TNS1: variants seen among roughly 807,000 people sequenced by gnomAD.
TNS1 encodes tensin-1.
TNS1 carries 62 observed loss-of-function variants against 168.6 expected under a neutral mutation model. The observed-to-expected ratio is 0.37, with a 90% CI of 0.30 to 0.45. TNS1 has a LOEUF of 0.45. TNS1 is among the 20% of genes least tolerant of loss of function. The probability of loss-of-function intolerance (pLI) is 1.00; values close to 1 mark genes in which losing one functional copy is unlikely to be tolerated. For missense variants in TNS1, 2,240 were observed against 2,339.4 expected (o/e 0.96, Z 0.88); for synonymous variants, 934 against 933.2 (o/e 1.00, Z -0.02).
intron 18 of TNS1, among the ~76,000 whole-genome samples, chr2:217,870,615 AT>A (rs1949691649): frequency 6.6e-6 from 1 of 152,144 alleles, no homozygotes; most frequent in African/African-American, 2.4e-5. Flanking sequence ...CTCGATCTGG[AT>A]ATTTGAGCAC....
intron 18 of TNS1, among the ~76,000 whole-genome samples, chr2:217,869,800 T>C (rs1036566371): frequency 2.0e-5 from 3 of 152,220 alleles, no homozygotes; most frequent in Non-Finnish European, 4.4e-5. Flanking sequence ...CCCAGGACTC[T>C]GGTGAGGGCT....
At chr2:217,970,204 A>G (rs189648245) in intron 3 of TNS1, among the ~76,000 whole-genome samples, 2 of 152,168 alleles carry the variant, frequency 1.3e-5, no homozygotes, top group African/African-American at 4.8e-5. Flanking sequence ...GCCTGCCAAC[A>G]CCTTGATTTT....
At chr2:217,829,136 G>A (rs1344773921) in intron 22 of TNS1, among the ~76,000 whole-genome samples, 2 of 152,114 alleles carry the variant, frequency 1.3e-5, no homozygotes, top group African/African-American at 4.8e-5. Context: ...AGCACTTTGG[G>A]AGGCCAAGGT....
rs373998492 is a variant in TNS1 at position 217,892,904 on chromosome 2, C to T, written c.782+44G>A. The T allele has an allele frequency of 5.6e-6, 9 of 1,601,566 alleles. No individual in the cohort carries two copies. In the African/African-American group the frequency reaches 8.0e-5, roughly 14 times the overall value. On this transcript the variant is annotated intron_variant, in intron 11 of 32. Coordinates refer to ENST00000682258, the MANE Select transcript of TNS1 (RefSeq NM_001387777.1). Reference sequence around the variant, plus strand: ...TGGGTGGATGAGAGGAGGGGGGTCACACTGTCGATGTTCAGAGGATGGGAG... The same window carrying T: ...TGGGTGGATGAGAGGAGGGGGGTCATACTGTCGATGTTCAGAGGATGGGAG...
In TNS1 at chr2:217,849,005, G is replaced by A. The variant is rs200009331; in HGVS notation, c.1512C>T (p.Thr504=). 18 of 1,614,058 alleles carry A rather than the reference G, an allele frequency of 1.1e-5. No homozygotes were observed. The highest frequency in any genetic ancestry group is 1.1e-4 in the African/African-American group (8 of 75,004). ...TAGGACGTGTGGCATTAACAGCCCC[G>A]GTGCTGCCGTGCAGGGAGTCTTTCT... ...VKKKDSLHGS[T]GAVNATRPTL... is the part of the protein sequence containing the mutation. Residue 504 remains threonine (T), a synonymous_variant, in exon 19 of 33, where the codon ACC becomes ACT. Coordinates refer to ENST00000682258, the MANE Select transcript of TNS1 (RefSeq NM_001387777.1).
intron 18 of TNS1, among the ~76,000 whole-genome samples, chr2:217,861,488 C>T (rs368989118): frequency 6.6e-6 from 1 of 152,254 alleles, no homozygotes; most frequent in Non-Finnish European, 1.5e-5. Context: ...GGCCTGTCAC[C>T]TCCCATTTTC....
In TNS1 at chr2:217,869,277, T is replaced by C. The variant is rs181832124; in HGVS notation, c.1429+11621A>G. Among the ~76,000 whole-genome samples, 396 of 152,202 alleles carry C rather than the reference T, an allele frequency of 2.6e-3. 1 individual carries two copies. Among genetic ancestry groups the C allele is most frequent in the African/African-American group, 9.1e-3 (378 of 41,534 alleles). On this transcript the variant is annotated intron_variant, in intron 18 of 32. Transcript: ENST00000682258. Reference sequence around the variant, plus strand: ...CGCCTCTCCGAGGCTGATGGAGAGATTGGCCCCAAAGCCAGGCGAGGACAA... The same window carrying C: ...CGCCTCTCCGAGGCTGATGGAGAGACTGGCCCCAAAGCCAGGCGAGGACAA...
At chr2:217,993,962 G>A (rs952922413) in intron 1 of TNS1, among the ~76,000 whole-genome samples, 5 of 152,244 alleles carry the variant, frequency 3.3e-5, no homozygotes, top group Admixed American at 6.5e-5. Context: ...AGACAGAGAC[G>A]TCAGGGATGG....
intron 32 of TNS1, among the ~76,000 whole-genome samples, chr2:217,806,533 CCTT>C (rs1161358011): frequency 1.3e-5 from 2 of 152,208 alleles, no homozygotes; most frequent in Non-Finnish European, 2.9e-5. Context: ...CTGTCCCTGA[CCTT>C]CTTCCCTCGC....
At chr2:217,898,412 C>T (rs946740700) in intron 7 of TNS1, among the ~76,000 whole-genome samples, 6 of 152,218 alleles carry the variant, frequency 3.9e-5, no homozygotes, top group South Asian at 2.1e-4. Context: ...CTGCGCTGGG[C>T]GCTCTCCAGC....
intron 16 of TNS1, among the ~76,000 whole-genome samples, chr2:217,884,609 G>T (rs1240369969): frequency 6.6e-6 from 1 of 151,960 alleles, no homozygotes; most frequent in Non-Finnish European, 1.5e-5. Context: ...CAAGATTTTT[G>T]AGCTCCACCA....
At chr2:217,885,629 A>G in intron 15 of TNS1, 115 bp downstream of exon 15, 1 of 1,095,154 alleles carries the variant, frequency 9.1e-7, no homozygotes, top group South Asian at 1.4e-5. Flanking sequence ...CTATGGTTCC[A>G]AGCCTGGCAG....
rs1954545186 is a variant in TNS1 at position 217,912,531 on chromosome 2, G to T, written c.229-5280C>A. ...GTCACCATCGCACTGCCTATCAAGA[G>T]GGGAAGGAACTGGGAGCTGGCAGGG... On this transcript the variant is annotated intron_variant, in intron 4 of 32. Transcript: ENST00000682258. Among the ~76,000 whole-genome samples, 3 of 152,238 alleles carry T rather than the reference G, an allele frequency of 2.0e-5. No homozygotes were observed. The South Asian group carries it at 6.2e-4, about 31-fold the overall frequency.
chr2:217,808,183 C>T (rs1939567702), intron 31 of TNS1, 76 bp from the exon 32 acceptor site: 2 of 1,548,308 alleles, frequency 1.3e-6, no homozygotes, highest in East Asian at 2.3e-5. Flanking sequence ...TGCCCAGACC[C>T]TCTGCAGGAA....
In TNS1 at chr2:217,964,372, TGAA is replaced by T. The variant is rs1383475779; in HGVS notation, c.186+14390_186+14392del. Among the ~76,000 whole-genome samples the T allele has an allele frequency of 1.1e-4, 16 of 152,254 alleles. No individual in the cohort carries two copies. The East Asian group carries it at 3.1e-3, about 29-fold the overall frequency. On this transcript the variant is annotated intron_variant, in intron 3 of 32. Coordinates refer to ENST00000682258, the MANE Select transcript of TNS1 (RefSeq NM_001387777.1). ...GTCCAGTGTCAGAGATAGTGAGTGT[TGAA>T]GAAGAAAAGTCAGACTTGGCACTCA...
At chr2:217,856,416 C>G (rs1350891814) in intron 18 of TNS1, among the ~76,000 whole-genome samples, 1 of 152,200 alleles carries the variant, frequency 6.6e-6, no homozygotes, top group Non-Finnish European at 1.5e-5. Flanking sequence ...GGCCTCCACC[C>G]ATGCCAGCTT....
At position 217,884,068 on chromosome 2, in the gene TNS1, G is replaced by C. The variant is rs930776199; in HGVS notation, c.1246+967C>G. Among the ~76,000 whole-genome samples the C allele has an allele frequency of 2.3e-5, 3 of 133,218 alleles. No individual in the cohort carries two copies. In the South Asian group the frequency reaches 7.1e-4, roughly 32 times the overall value. The allele number at this position is 133,218 out of a possible 152,430, so 87.4% of individuals were successfully genotyped here. On this transcript the variant is annotated intron_variant, in intron 16 of 32. Coordinates refer to ENST00000682258, the MANE Select transcript of TNS1 (RefSeq NM_001387777.1). ...TGAGGGTAGGGCCTGACTTCTTTCT[G>C]TTCATATCTATAGGGTCTAGCACAT...
chr2:217,812,522 C>A, intron 27 of TNS1, 77 bp from the exon 28 acceptor site: 2 of 1,183,814 alleles, frequency 1.7e-6, no homozygotes, highest in Non-Finnish European at 2.5e-6. Context: ...TACCCTTACA[C>A]CGATACACAC....
chr2:218,005,935 G>A (rs571182529), upstream of TNS1, among the ~76,000 whole-genome samples: 1 of 152,182 alleles, frequency 6.6e-6, no homozygotes, highest in African/African-American at 2.4e-5. Context: ...CGCAGGCCTG[G>A]ATGGTTTCAT....
Sources: gnomAD v4.1 joint callset for allele counts (sites outside exome capture counted in the v4.1 genomes callset) on GRCh38, gnomAD v4.1.1 for gene constraint, MANE v1.5 for transcripts, NCBI Gene and HGNC (gene_info 2026-07-23, HGNC 2026-07-21) for gene names.